Variants in ETFA observed in about 807,000 individuals in gnomAD.
ETFA encodes the protein electron transfer flavoprotein subunit alpha.
A neutral mutation model predicts 46.2 loss-of-function variants in ETFA; 22 were observed. That is an observed-to-expected ratio of 0.48 (90% CI 0.34 to 0.68). The LOEUF is 0.68. ETFA is among the 30% of genes least tolerant of loss of function. ETFA has a pLI of 0.01. For synonymous variants in ETFA, 131 were observed against 139.9 expected (o/e 0.94, Z 0.45); for missense variants, 345 against 401.1 (o/e 0.86, Z 1.19).
intron 4 of ETFA, among the ~76,000 whole-genome samples, chr15:76,291,047 C>T (rs906418582): frequency 6.6e-6 from 1 of 152,012 alleles, no homozygotes; most frequent in South Asian, 2.1e-4. Flanking sequence ...GAGACTACAT[C>T]GATACAAAAA....
At chr15:76,235,774 G>A (rs551283609) in intron 9 of ETFA, among the ~76,000 whole-genome samples, 51 of 152,312 alleles carry the variant, frequency 3.3e-4, no homozygotes, top group African/African-American at 1.2e-3. Context: ...ACCTGCCACT[G>A]AGAAGTGGAA....
intron 1 of ETFA, among the ~76,000 whole-genome samples, chr15:76,305,075 C>T (rs932408108): frequency 1.3e-5 from 2 of 152,008 alleles, no homozygotes; most frequent in Non-Finnish European, 2.9e-5. Flanking sequence ...GAAAGAAAAT[C>T]CTCCGCTCTA....
intron 10 of ETFA, among the ~76,000 whole-genome samples, chr15:76,226,503 G>C (rs2039006174): frequency 6.6e-6 from 1 of 152,162 alleles, no homozygotes; most frequent in South Asian, 2.1e-4. Flanking sequence ...AGACTCACTT[G>C]AACCTGGGAG....
intron 11 of ETFA, among the ~76,000 whole-genome samples, chr15:76,221,662 T>A (rs1200639279): frequency 6.6e-6 from 1 of 152,210 alleles, no homozygotes; most frequent in Non-Finnish European, 1.5e-5. Context: ...TCTCATTTAA[T>A]CTTCATTACA....
intron 1 of ETFA, among the ~76,000 whole-genome samples, 199 bp from the exon 2 acceptor site, chr15:76,295,936 C>CTTTTTTTTTTTTTTTTTTTTTTTAT (rs1157687784): frequency 2.1e-5 from 1 of 46,602 alleles, no homozygotes; most frequent in Non-Finnish European, 4.2e-5. Flanking sequence ...CACTAATATT[C>CTTTTTTTTTTTTTTTTTTTTTTTAT]TTTTTTTTTT....
intron 10 of ETFA, chr15:76,227,980 C>T (rs1054271388): frequency 5.5e-5 from 25 of 455,852 alleles, no homozygotes; most frequent in Non-Finnish European, 9.7e-5. Context: ...AGCCTCAAAT[C>T]CAAAGGCACA....
Position 76,231,318 on chromosome 15 carries a change from C to T in ETFA, c.882+15G>A. On this transcript the variant is annotated intron_variant, in intron 10 of 11. Coordinates refer to ENST00000557943, the MANE Select transcript of ETFA (RefSeq NM_000126.4). Reference sequence around the variant, plus strand: ...GTGGAAACGTTTTCTTTTAACATCACTGATGTACAATTACCTTGCTGTCTT... The same window carrying T: ...GTGGAAACGTTTTCTTTTAACATCATTGATGTACAATTACCTTGCTGTCTT... 1 of 1,534,642 alleles carries T rather than the reference C, an allele frequency of 6.5e-7. No homozygotes were observed. Among genetic ancestry groups the T allele is most frequent in the East Asian group, 2.2e-5 (1 of 44,480 alleles).
At chr15:76,306,776 G>C (rs1025229944) in intron 1 of ETFA, among the ~76,000 whole-genome samples, 3 of 152,044 alleles carry the variant, frequency 2.0e-5, no homozygotes, top group Non-Finnish European at 4.4e-5. Flanking sequence ...GACCAGAAAT[G>C]TTATATGACA....
intron 5 of ETFA, among the ~76,000 whole-genome samples, chr15:76,287,001 C>T (rs2039710560): frequency 6.6e-6 from 1 of 152,100 alleles, no homozygotes; most frequent in African/African-American, 2.4e-5. Context: ...AAATATTTTC[C>T]CTCAAACATT....
In ETFA at chr15:76,306,974, C is replaced by G. The variant is rs566452089; in HGVS notation, c.39+4376G>C. Reference sequence around the variant, plus strand: ...GAAATTAAAATTTGCATGCAAATTACAGAGTTCAATCTTATTCATCAATAC... The same window carrying G: ...GAAATTAAAATTTGCATGCAAATTAGAGAGTTCAATCTTATTCATCAATAC... On this transcript the variant is annotated intron_variant, in intron 1 of 11. Transcript: ENST00000557943. Among the ~76,000 whole-genome samples the G allele has an allele frequency of 1.0e-3, 155 of 152,270 alleles. 1 individual carries two copies. The highest frequency in any genetic ancestry group is 2.7e-3 in the Admixed American group (41 of 15,298).
rs77832711 is a variant in ETFA at position 76,224,494 on chromosome 15, G to C, written c.963+1355C>G. On this transcript the variant is annotated intron_variant, in intron 11 of 11. Transcript: ENST00000557943. The stretch of plus-strand genomic sequence containing the variant: ...GCCATCACGGAGTAATCGGCTCAAG[G>C]GTCCTATTTCCATCCTTCACTGAGC... Among the ~76,000 whole-genome samples, 13 of 152,234 alleles carry C rather than the reference G, an allele frequency of 8.5e-5. No homozygotes were observed. In the East Asian group the frequency reaches 2.5e-3, roughly 29 times the overall value.
intron 9 of ETFA, among the ~76,000 whole-genome samples, chr15:76,254,900 A>G (rs1412227976): frequency 3.3e-5 from 5 of 152,236 alleles, no homozygotes; most frequent in Admixed American, 1.3e-4. Context: ...CAATAAACCA[A>G]TGTTTGAAAT....
chr15:76,295,240 C>T (rs1425768192), intron 2 of ETFA, among the ~76,000 whole-genome samples: 1 of 152,122 alleles, frequency 6.6e-6, no homozygotes, highest in Non-Finnish European at 1.5e-5. Context: ...CCAGATTTAC[C>T]ACTTTCAGGA....
intron 10 of ETFA, chr15:76,227,809 T>A (rs2039019446): frequency 4.4e-6 from 2 of 455,980 alleles, no homozygotes; most frequent in Admixed American, 2.4e-5. Flanking sequence ...ATATCCAACA[T>A]CTGTGTATTT....
In ETFA at chr15:76,292,433, T is replaced by C. The variant is rs771885117; in HGVS notation, c.349A>G (p.Lys117Glu). ...HICAGASAFGKNLLPRVAAKL... is the reference protein window; with the variant it reads ...HICAGASAFGENLLPRVAAKL... ...TTCCACATTCTCAACCTTCTCACCT[T>C]TCCGAAGGCAGATGCTCCAGCACAG... The change falls in exon 4 of 12, where the codon AAG (lysine) becomes GAG (glutamate). Residue 117 changes from lysine (K) to glutamate (E), a missense_variant and splice_region_variant. Physicochemically the swap from Lys to Glu is moderately conservative, Grantham distance 56 (BLOSUM62 1). Coordinates refer to ENST00000557943, the MANE Select transcript of ETFA (RefSeq NM_000126.4). 10 of 1,610,704 alleles carry C rather than the reference T, an allele frequency of 6.2e-6. No individual in the cohort carries two copies. Among genetic ancestry groups the C allele is most frequent in the Non-Finnish European group, 8.5e-6 (10 of 1,176,920 alleles).
chr15:76,255,008 T>A (rs1316495255), intron 9 of ETFA, among the ~76,000 whole-genome samples: 5 of 152,194 alleles, frequency 3.3e-5, no homozygotes. Context: ...TATTCATTTT[T>A]AAATTTCTCT....
At chr15:76,217,114 C>T (rs2038904600) in intron 11 of ETFA, among the ~76,000 whole-genome samples, 1 of 152,106 alleles carries the variant, frequency 6.6e-6, no homozygotes, top group Non-Finnish European at 1.5e-5. Flanking sequence ...ACTGCACACA[C>T]TGCTACCTTT....
rs1168875914 is a variant in ETFA at position 76,274,474 on chromosome 15, C to T, written c.754G>A (p.Val252Ile). 6.2e-7 allele frequency: 1 copy of T among 1,612,342 alleles called. No homozygotes were observed. The highest frequency in any genetic ancestry group is 1.3e-5 in the African/African-American group (1 of 74,904). The change falls in exon 9 of 12, where the codon GTT becomes ATT. Residue 252 changes from valine to isoleucine, a missense_variant. Transcript: ENST00000557943. ...TCATTGGGAACAAAGCCAGCATCAA[C>T]AGCAGCACGGGAAGCACCAACTAAG... ...HAAVGASRAA[V>I]DAGFVPNDMQ...
rs953642046 is a variant in ETFA, at chr15:76,222,670, C to T, written c.963+3179G>A. Among the ~76,000 whole-genome samples, 3 of 151,962 alleles carry T rather than the reference C, an allele frequency of 2.0e-5. No individual in the cohort carries two copies. In the East Asian group the frequency reaches 5.8e-4, roughly 29 times the overall value. The stretch of plus-strand genomic sequence containing the variant: ...AGAGAGAAGGGGAACAGAAGCAGGA[C>T]CCTGGCTTAGTTGTGCCCATAACCT... On this transcript the variant is annotated intron_variant, in intron 11 of 11. Coordinates refer to ENST00000557943, the MANE Select transcript of ETFA (RefSeq NM_000126.4).
Sources: gnomAD v4.1 joint callset for allele counts (sites outside exome capture counted in the v4.1 genomes callset) on GRCh38, gnomAD v4.1.1 for gene constraint, MANE v1.5 for transcripts, NCBI Gene and HGNC (gene_info 2026-07-23, HGNC 2026-07-21) for gene names.